SPAG16: variants seen among roughly 807,000 people sequenced by gnomAD.
SPAG16 encodes sperm-associated antigen 16 protein.
Under a neutral mutation model 80.4 loss-of-function variants are expected in SPAG16, and 86 were observed. The ratio of observed to expected loss-of-function variants is 1.07; its 90% CI spans 0.90 to 1.28. The LOEUF is 1.28. Among genes scored for constraint, SPAG16 ranks in the 50% most tolerant of loss-of-function variants. The probability of loss-of-function intolerance (pLI) is 0.00; values close to 1 mark genes in which losing one functional copy is unlikely to be tolerated. For missense variants in SPAG16, 870 were observed against 765.3 expected, an observed-to-expected ratio of 1.14 and a Z score of -1.61; for synonymous variants, 294 against 265.9, an observed-to-expected ratio of 1.11 and a Z score of -1.03.
intron 9 of SPAG16, among the ~76,000 whole-genome samples, chr2:213,415,445 G>A (rs183249808): frequency 1.3e-5 from 2 of 152,292 alleles, no homozygotes; most frequent in East Asian, 1.9e-4. Flanking sequence ...CAATTGAAGT[G>A]GAACAAAACT....
At chr2:213,656,018 G>A (rs2063208648) in intron 10 of SPAG16, among the ~76,000 whole-genome samples, 1 of 152,144 alleles carries the variant, frequency 6.6e-6, no homozygotes. Flanking sequence ...TTTTTGCTGT[G>A]TAATTCTTTA....
At chr2:213,488,992 C>T (rs2074118170) in intron 9 of SPAG16, among the ~76,000 whole-genome samples, 1 of 147,844 alleles carries the variant, frequency 6.8e-6, no homozygotes, top group Non-Finnish European at 1.5e-5. Flanking sequence ...CGGGAATCGC[C>T]TGAATCCGGA....
At chr2:214,167,055 A>T (rs2056684609) in intron 15 of SPAG16, among the ~76,000 whole-genome samples, 1 of 152,194 alleles carries the variant, frequency 6.6e-6, no homozygotes, top group Admixed American at 6.5e-5. Flanking sequence ...AAGCCAAGTG[A>T]AAGTTAGCAT....
chr2:213,707,170 C>T (rs2065792313), intron 10 of SPAG16, among the ~76,000 whole-genome samples: 1 of 152,190 alleles, frequency 6.6e-6, no homozygotes, highest in South Asian at 2.1e-4. Context: ...GGCTTAATAT[C>T]ACAGTTGGTT....
At chr2:213,502,050 A>G (rs2074764966) in intron 10 of SPAG16, among the ~76,000 whole-genome samples, 1 of 152,190 alleles carries the variant, frequency 6.6e-6, no homozygotes, top group Non-Finnish European at 1.5e-5. Flanking sequence ...TTTTAATTTA[A>G]ATAGTGGCTT....
intron 11 of SPAG16, among the ~76,000 whole-genome samples, chr2:213,866,981 C>T (rs906377619): frequency 1.3e-5 from 2 of 148,722 alleles, no homozygotes; most frequent in African/African-American, 4.9e-5. Context: ...TTAAAAATTG[C>T]AAGTCTTCAA....
At chr2:213,790,234 A>G (rs1467443220) in intron 10 of SPAG16, among the ~76,000 whole-genome samples, 1 of 151,916 alleles carries the variant, frequency 6.6e-6, no homozygotes, top group Non-Finnish European at 1.5e-5. Context: ...TTGGCATTCA[A>G]GACTCTCCAC....
At position 213,492,410 on chromosome 2, in the gene SPAG16, T is replaced by C. The variant is rs548273497; in HGVS notation, c.1070+2320T>C. Among the ~76,000 whole-genome samples the C allele has an allele frequency of 3.2e-4, 48 of 151,536 alleles. 1 individual carries two copies. In the South Asian group the frequency reaches 4.0e-3, roughly 12 times the overall value. On this transcript the variant is annotated intron_variant, in intron 10 of 15. Coordinates refer to ENST00000331683, the MANE Select transcript of SPAG16 (RefSeq NM_024532.5). ...CTAAAAATACAAAAAATTAGCTGGG[T>C]GTGGTGGTGGGCGCCTGTAGTCCCA...
At chr2:213,618,795 A>G (rs541430580) in intron 10 of SPAG16, among the ~76,000 whole-genome samples, 74 of 152,252 alleles carry the variant, frequency 4.9e-4, no homozygotes, top group African/African-American at 1.7e-3. Context: ...CTAGACCTTA[A>G]AACACTCCAT....
At chr2:214,201,216 A>T (rs1474081620) in intron 15 of SPAG16, among the ~76,000 whole-genome samples, 1 of 152,248 alleles carries the variant, frequency 6.6e-6, no homozygotes, top group Non-Finnish European at 1.5e-5. Context: ...TTCACCATCA[A>T]GGTATCAATA....
intron 10 of SPAG16, among the ~76,000 whole-genome samples, chr2:213,609,981 A>C (rs1324697742): frequency 6.6e-6 from 1 of 152,098 alleles, no homozygotes; most frequent in Non-Finnish European, 1.5e-5. Flanking sequence ...AGGCCAGGTC[A>C]TGGTTGGCTA....
intron 15 of SPAG16, among the ~76,000 whole-genome samples, chr2:214,362,335 T>C (rs1699236505): frequency 6.6e-6 from 1 of 151,908 alleles, no homozygotes; most frequent in African/African-American, 2.4e-5. Context: ...AGCAATCTTA[T>C]GGCCAAGCCT....
At chr2:213,873,354 C>A (rs552142881) in intron 11 of SPAG16, among the ~76,000 whole-genome samples, 74 of 151,524 alleles carry the variant, frequency 4.9e-4, no homozygotes, top group Non-Finnish European at 5.0e-4. Context: ...GGTAATGATG[C>A]CTTTATATAA....
rs79746859 is a variant in SPAG16 at position 214,180,903 on chromosome 2, A to G, written c.1720+31637A>G. Reference sequence around the variant, plus strand: ...CCTAGTTTAAACTCATGCCAAACCAACCTGGGATCATTTTGGGCCTTGAGT... The same window carrying G: ...CCTAGTTTAAACTCATGCCAAACCAGCCTGGGATCATTTTGGGCCTTGAGT... On this transcript the variant is annotated intron_variant, in intron 15 of 15. Coordinates refer to ENST00000331683, the MANE Select transcript of SPAG16 (RefSeq NM_024532.5). 1.2e-3 allele frequency among the ~76,000 whole-genome samples: 189 copies of G among 151,752 alleles called. 2 individuals are homozygous for G. The East Asian group carries it at 0.033, about 27-fold the overall frequency.
intron 12 of SPAG16, among the ~76,000 whole-genome samples, chr2:213,968,861 C>T (rs1184408122): frequency 6.6e-6 from 1 of 152,188 alleles, no homozygotes; most frequent in Non-Finnish European, 1.5e-5. Flanking sequence ...AACTTTTGTA[C>T]ATAGCACATA....
chr2:214,207,246 G>A (rs1349949452), intron 15 of SPAG16, among the ~76,000 whole-genome samples: 1 of 152,136 alleles, frequency 6.6e-6, no homozygotes, highest in Non-Finnish European at 1.5e-5. Flanking sequence ...GGTCCACCCA[G>A]TTCAGGTGCT....
intron 10 of SPAG16, among the ~76,000 whole-genome samples, chr2:213,634,434 C>T (rs1215827911): frequency 1.3e-5 from 2 of 152,034 alleles, no homozygotes; most frequent in Non-Finnish European, 1.5e-5. Flanking sequence ...AATCTTTCTA[C>T]TTAGGATTAA....
At chr2:213,402,206 T>C (rs1282299733) in intron 9 of SPAG16, among the ~76,000 whole-genome samples, 1 of 152,076 alleles carries the variant, frequency 6.6e-6, no homozygotes, top group Non-Finnish European at 1.5e-5. Context: ...GTTTCCTGTA[T>C]TTAGGTGGCA....
rs190634535 is a variant in SPAG16, at chr2:214,116,731, A to G, written c.1593+8470A>G. Among the ~76,000 whole-genome samples, 434 of 152,318 alleles carry G rather than the reference A, an allele frequency of 2.8e-3. 3 individuals are homozygous for G. The South Asian group carries it at 0.03, about 10-fold the overall frequency. On this transcript the variant is annotated intron_variant, in intron 14 of 15. Coordinates refer to ENST00000331683, the MANE Select transcript of SPAG16 (RefSeq NM_024532.5). ...CCTTAAGTCTTCCCCAGGTCCATCT[A>G]GGACAGAGAGCCATGTCATCCTTGG...
Sources: gnomAD v4.1 joint callset for allele counts (sites outside exome capture counted in the v4.1 genomes callset) on GRCh38, gnomAD v4.1.1 for gene constraint, MANE v1.5 for transcripts, NCBI Gene and HGNC (gene_info 2026-07-23, HGNC 2026-07-21) for gene names.